BBS4: variants seen among roughly 807,000 people sequenced by gnomAD.
BBS4 encodes Bardet-Biedl syndrome 4, also known as BBSome complex member BBS4.
A neutral mutation model predicts 71.4 loss-of-function variants in BBS4; 58 were observed. The observed-to-expected ratio is 0.81, with a 90% CI of 0.66 to 1.01. BBS4 has a LOEUF of 1.01. Ranked by LOEUF, BBS4 falls within the 50% of genes least tolerant of loss-of-function variation. The probability of loss-of-function intolerance (pLI) is 0.00; values close to 1 mark genes in which losing one functional copy is unlikely to be tolerated. For synonymous variants in BBS4, 228 were observed against 216.8 expected (o/e 1.05, Z -0.46); for missense variants, 660 against 607.9 (o/e 1.09, Z -0.90).
chr15:72,723,048 A>C (rs1270870103), intron 7 of BBS4, among the ~76,000 whole-genome samples: 1 of 152,022 alleles, frequency 6.6e-6, no homozygotes, highest in African/African-American at 2.4e-5. Flanking sequence ...AAGAACATGG[A>C]AAGTTCTAGA....
chr15:72,708,660 G>A (rs2065309462), intron 2 of BBS4, among the ~76,000 whole-genome samples: 1 of 152,136 alleles, frequency 6.6e-6, no homozygotes, highest in Non-Finnish European at 1.5e-5. Context: ...CTTCTTTGCA[G>A]AGAGCCTATA....
At chr15:72,704,464 C>CAA in intron 2 of BBS4, 1 of 1,286,864 alleles carries the variant, frequency 7.8e-7, no homozygotes, top group East Asian at 5.6e-5. Flanking sequence ...ACCAGAAATT[C>CAA]AACTTATATA....
intron 1 of BBS4, among the ~76,000 whole-genome samples, chr15:72,689,525 A>T (rs2064942634): frequency 6.6e-6 from 1 of 152,134 alleles, no homozygotes; most frequent in African/African-American, 2.4e-5. Flanking sequence ...TTGAGTCCAG[A>T]GGTTTGAGAC....
chr15:72,710,552 A>G (rs1364158059), intron 3 of BBS4, among the ~76,000 whole-genome samples: 1 of 152,014 alleles, frequency 6.6e-6, no homozygotes, highest in Non-Finnish European at 1.5e-5. Flanking sequence ...CATCATGTGT[A>G]TATTTAAAAA....
chr15:72,736,829 C>T lies in BBS4; in HGVS notation c.1316C>T (p.Pro439Leu), dbSNP rs483352761. Residue 439 changes from proline to leucine, a missense_variant, in exon 15 of 16, where the codon CCA becomes CTA. Coordinates refer to ENST00000268057, the MANE Select transcript of BBS4 (RefSeq NM_033028.5). ...GGGGAGGCACTGGTCTGGACCAAAC[C>T]AGTTAAAGATCCCAAATCAAAGCAC... ...QVGEALVWTK[P>L]VKDPKSKHQT... 2 of 1,614,042 alleles carry T rather than the reference C, an allele frequency of 1.2e-6. No individual in the cohort carries two copies. The highest frequency in any genetic ancestry group is 4.5e-5 in the East Asian group (2 of 44,894).
chr15:72,725,154 G>A (rs560021366), intron 8 of BBS4, among the ~76,000 whole-genome samples: 1 of 151,506 alleles, frequency 6.6e-6, no homozygotes, highest in South Asian at 2.1e-4. Flanking sequence ...TCAACCTCTT[G>A]GGCTAAAGCA....
chr15:72,727,909 T>TTG, intron 8 of BBS4, 31 bp from the exon 9 acceptor site: 1 of 1,564,416 alleles, frequency 6.4e-7, no homozygotes, highest in Non-Finnish European at 8.8e-7. Context: ...CATCTACATC[T>TTG]TGTTTCCCTC....
At chr15:72,697,911 C>T (rs1019707304) in intron 2 of BBS4, 1 of 453,706 alleles carries the variant, frequency 2.2e-6, no homozygotes, top group African/African-American at 2.0e-5. Flanking sequence ...TTGATCAGAA[C>T]TACTTGGTGG....
chr15:72,711,075 A>G (rs992056797), intron 3 of BBS4, among the ~76,000 whole-genome samples: 2 of 150,888 alleles, frequency 1.3e-5, no homozygotes, highest in Admixed American at 1.3e-4. Flanking sequence ...TGCTGGGATT[A>G]CAGGCGTGAG....
At chr15:72,710,917 A>G (rs1231578560) in intron 3 of BBS4, among the ~76,000 whole-genome samples, 1 of 151,116 alleles carries the variant, frequency 6.6e-6, no homozygotes, top group Non-Finnish European at 1.5e-5. Flanking sequence ...CAGCCTCCCA[A>G]GTCGCTGGGA....
intron 2 of BBS4, chr15:72,704,606 A>G: frequency 2.2e-6 from 1 of 447,444 alleles, no homozygotes; most frequent in Non-Finnish European, 4.0e-6. Context: ...CAGGCCCAGC[A>G]CAGTGACCCA....
chr15:72,700,395 T>C (rs187505790), intron 2 of BBS4, among the ~76,000 whole-genome samples: 12 of 152,334 alleles, frequency 7.9e-5, no homozygotes, highest in African/African-American at 2.2e-4. Context: ...TTGTACAGTT[T>C]TACCCGACCG....
intron 1 of BBS4, among the ~76,000 whole-genome samples, chr15:72,691,835 C>T (rs77225745): frequency 0.084 from 12,800 of 152,066 alleles, 678 homozygotes; most frequent in Non-Finnish European, 0.12. Flanking sequence ...CGGTGCTGCG[C>T]GCCTGTAGTC....
intron 2 of BBS4, among the ~76,000 whole-genome samples, chr15:72,705,417 C>G (rs1284754307): frequency 6.6e-6 from 1 of 152,126 alleles, no homozygotes; most frequent in Non-Finnish European, 1.5e-5. Context: ...AGCTTTTGGA[C>G]AGCTACATCT....
chr15:72,697,789 C>T (rs1296061151), intron 2 of BBS4, among the ~76,000 whole-genome samples: 1 of 152,144 alleles, frequency 6.6e-6, no homozygotes, highest in Admixed American at 6.6e-5. Context: ...CAAAGTTTGA[C>T]TCTTTAGTTT....
At chr15:72,731,284 T>C in intron 10 of BBS4, 21 bp from the exon 11 acceptor site, 1 of 1,613,926 alleles carries the variant, frequency 6.2e-7, no homozygotes. Context: ...CTGAATGACT[T>C]TCTCTGTGCC....
chr15:72,717,303 G>A (rs2065484389), intron 6 of BBS4: 1 of 157,356 alleles, frequency 6.4e-6, no homozygotes, highest in African/African-American at 2.4e-5. Context: ...TGTGTCAATT[G>A]AGGATTGTGT....
chr15:72,692,779 A>G (rs1432623589), intron 1 of BBS4, among the ~76,000 whole-genome samples: 4 of 151,502 alleles, frequency 2.6e-5, no homozygotes, highest in African/African-American at 9.7e-5. Context: ...AGTTTTTTTT[A>G]TAGAGGCAGA....
chr15:72,695,317 T>C (rs2065057220), intron 2 of BBS4, 89 bp downstream of exon 2: 2 of 912,400 alleles, frequency 2.2e-6, no homozygotes, highest in Non-Finnish European at 3.3e-6. Context: ...GGAGGCAGAG[T>C]CTCACTGTCA....
Sources: allele counts gnomAD v4.1 joint callset (sites outside exome capture counted in the v4.1 genomes callset), GRCh38; gene constraint gnomAD v4.1.1; transcripts MANE v1.5; gene names NCBI Gene and HGNC (gene_info 2026-07-23, HGNC 2026-07-21).